The following MECOM variants were observed in gnomAD, a reference collection of about 807,000 sequenced individuals.
MECOM encodes the protein histone-lysine N-methyltransferase MECOM.
A neutral mutation model predicts 116.3 loss-of-function variants in MECOM; 13 were observed. The ratio of observed to expected loss-of-function variants is 0.11; its 90% CI spans 0.07 to 0.18. The LOEUF (loss-of-function observed/expected upper bound fraction) is 0.18, where lower values mean the gene tolerates loss of function less well. Among genes scored for constraint, MECOM ranks in the 10% least tolerant of loss-of-function variants. The pLI is 1.00. For missense variants in MECOM, 1,299 were observed against 1,509.0 expected (o/e 0.86, Z 2.31); for synonymous variants, 528 against 535.2 (o/e 0.99, Z 0.19).
intron 1 of MECOM, among the ~76,000 whole-genome samples, chr3:169,383,645 A>G (rs1348889480): frequency 6.6e-6 from 1 of 152,178 alleles, no homozygotes; most frequent in Non-Finnish European, 1.5e-5. Flanking sequence ...ATCAACACTG[A>G]GCCTGTTTAA....
chr3:169,143,249 T>C (rs1016920787), intron 3 of MECOM, among the ~76,000 whole-genome samples: 1 of 152,058 alleles, frequency 6.6e-6, no homozygotes, highest in African/African-American at 2.4e-5. Flanking sequence ...ATAAAATGCA[T>C]AATTAGATAA....
intron 2 of MECOM, among the ~76,000 whole-genome samples, chr3:169,152,519 C>G (rs768387742): frequency 6.6e-6 from 1 of 152,150 alleles, no homozygotes; most frequent in Non-Finnish European, 1.5e-5. Context: ...GGCATGTTTA[C>G]TCTCCTATTC....
chr3:169,100,636 C>T (rs1723267867), intron 12 of MECOM, among the ~76,000 whole-genome samples: 1 of 152,096 alleles, frequency 6.6e-6, no homozygotes, highest in South Asian at 2.1e-4. Context: ...CTTATTCTGT[C>T]CTAGACACTG....
At chr3:169,472,523 A>AAAGG (rs1560317894) in intron 1 of MECOM, among the ~76,000 whole-genome samples, 7 of 64,570 alleles carry the variant, frequency 1.1e-4, no homozygotes, top group East Asian at 4.2e-4. Context: ...GAAAGGAAAG[A>AAAGG]AAAGAAAAGA....
chr3:169,115,235 G>T, intron 8 of MECOM, 148 bp downstream of exon 8: 1 of 868,092 alleles, frequency 1.2e-6, no homozygotes, highest in Non-Finnish European at 1.6e-6. Context: ...CCAACTTTCA[G>T]AATAAAAAAT....
intron 1 of MECOM, among the ~76,000 whole-genome samples, chr3:169,651,933 G>A (rs1361620152): frequency 6.6e-6 from 1 of 151,938 alleles, no homozygotes; most frequent in East Asian, 1.9e-4. Flanking sequence ...AAAAAAGAAA[G>A]AAAATAACTT....
chr3:169,317,810 A>G (rs766503165), intron 2 of MECOM, among the ~76,000 whole-genome samples: 13 of 152,212 alleles, frequency 8.5e-5, no homozygotes, highest in Non-Finnish European at 2.9e-5. Flanking sequence ...GAGCCCGTAT[A>G]GCCAAGACAA....
chr3:169,399,501 T>G (rs1462776798), intron 1 of MECOM, among the ~76,000 whole-genome samples: 1 of 152,250 alleles, frequency 6.6e-6, no homozygotes, highest in Non-Finnish European at 1.5e-5. Flanking sequence ...TCCAATACTT[T>G]TTAGATAATT....
At chr3:169,117,865 G>A (rs1416884354) in intron 7 of MECOM, among the ~76,000 whole-genome samples, 1 of 151,962 alleles carries the variant, frequency 6.6e-6, no homozygotes, top group Non-Finnish European at 1.5e-5. Context: ...AGTACCCTGA[G>A]CATCACATTT....
At chr3:169,435,364 C>T (rs1269953062) in intron 1 of MECOM, among the ~76,000 whole-genome samples, 2 of 152,018 alleles carry the variant, frequency 1.3e-5, no homozygotes, top group African/African-American at 4.8e-5. Flanking sequence ...ATACATCACC[C>T]GATTACTTGG....
chr3:169,313,609 G>C (rs1359755706), intron 2 of MECOM, among the ~76,000 whole-genome samples: 1 of 152,194 alleles, frequency 6.6e-6, no homozygotes, highest in East Asian at 1.9e-4. Context: ...AGATACAGGA[G>C]GCTTGGTTGA....
intron 1 of MECOM, among the ~76,000 whole-genome samples, chr3:169,412,223 T>G (rs1257131563): frequency 6.7e-6 from 1 of 150,210 alleles, no homozygotes; most frequent in East Asian, 1.9e-4. Flanking sequence ...GAGGCGGAGG[T>G]TGCAGTGAGC....
At chr3:169,296,494 A>G (rs530199363) in intron 2 of MECOM, among the ~76,000 whole-genome samples, 2 of 152,340 alleles carry the variant, frequency 1.3e-5, no homozygotes, top group South Asian at 4.1e-4. Context: ...TTACATCCAC[A>G]CAAGTTCTTT....
At chr3:169,513,420 C>T (rs1004639353) in intron 1 of MECOM, among the ~76,000 whole-genome samples, 6 of 152,202 alleles carry the variant, frequency 3.9e-5, no homozygotes, top group Non-Finnish European at 7.3e-5. Flanking sequence ...TAACTTGCTT[C>T]ACTCACTGTG....
intron 2 of MECOM, among the ~76,000 whole-genome samples, chr3:169,338,788 C>G (rs1724006306): frequency 1.3e-5 from 2 of 152,140 alleles, no homozygotes; most frequent in South Asian, 4.2e-4. Context: ...CTTCATTAGA[C>G]TATAAACCCC....
At chr3:169,371,267 C>T (rs989958338) in intron 2 of MECOM, among the ~76,000 whole-genome samples, 2 of 151,810 alleles carry the variant, frequency 1.3e-5, no homozygotes, top group Admixed American at 1.3e-4. Context: ...CACAAAAAGA[C>T]AAATACTGCA....
chr3:169,186,343 GGGAAGGAAGGAAGGAA>G (rs1331901039), intron 2 of MECOM, among the ~76,000 whole-genome samples: 3 of 80,178 alleles, frequency 3.7e-5, no homozygotes, highest in African/African-American at 1.7e-4. Flanking sequence ...GAGGGAGGGA[GGGAAGGAAGGAAGGAA>G]GGAAGGAAGG....
At chr3:169,390,483 A>G (rs1204623274) in intron 1 of MECOM, among the ~76,000 whole-genome samples, 2 of 152,014 alleles carry the variant, frequency 1.3e-5, no homozygotes, top group African/African-American at 4.8e-5. Context: ...GTGGTTTACT[A>G]CCTCTAATTT....
chr3:169,482,325 G>GTTCTTTTTTTTTTTT (rs1751417680), intron 1 of MECOM, among the ~76,000 whole-genome samples: 2 of 103,700 alleles, frequency 1.9e-5, no homozygotes, highest in East Asian at 5.5e-4. Context: ...CTTAACCCAC[G>GTTCTTTTTTTTTTTT]TTCTTTTTTT....
Sources: gnomAD v4.1 joint callset for allele counts (sites outside exome capture counted in the v4.1 genomes callset) on GRCh38, gnomAD v4.1.1 for gene constraint, MANE v1.5 for transcripts, NCBI Gene and HGNC (gene_info 2026-07-23, HGNC 2026-07-21) for gene names.